The following RICTOR variants were observed in gnomAD, a reference collection of about 807,000 sequenced individuals.
The protein encoded by RICTOR is RPTOR independent companion of MTOR complex 2, also known as rapamycin-insensitive companion of mTOR.
RICTOR carries 49 observed loss-of-function variants against 214.9 expected under a neutral mutation model. That is an observed-to-expected ratio of 0.23 (90% CI 0.18 to 0.29). The LOEUF (loss-of-function observed/expected upper bound fraction) is 0.29. Among genes scored for constraint, RICTOR ranks in the 10% least tolerant of loss-of-function variants. The pLI is 1.00. For missense variants in RICTOR, 1,625 were observed against 2,047.0 expected (o/e 0.79, Z 3.98); for synonymous variants, 717 against 711.3 (o/e 1.01, Z -0.13).
chr5:39,001,775 C>A (rs1178511021), intron 5 of RICTOR, among the ~76,000 whole-genome samples: 1 of 152,060 alleles, frequency 6.6e-6, no homozygotes, highest in Non-Finnish European at 1.5e-5. Flanking sequence ...AACATCATCA[C>A]TCACCGGGGA....
At chr5:39,010,469 T>A (rs1239272) in intron 3 of RICTOR, among the ~76,000 whole-genome samples, 5,027 of 152,090 alleles carry the variant, frequency 0.033, 139 homozygotes, top group South Asian at 0.081. Context: ...GGAAGTGACT[T>A]TGGAACTGGG....
rs1170464254 is a variant in RICTOR at position 38,996,956 on chromosome 5, T to C, written c.393-74A>G. On this transcript the variant is annotated intron_variant, in intron 5 of 37. Transcript: ENST00000357387. ...CTTTTTGTATCACAATACTGATAGA[T>C]GAAACCCATTTTCACAATGTCAATA... The C allele has an allele frequency of 3.0e-5, 29 of 954,648 alleles. No individual in the cohort carries two copies. The East Asian group carries it at 6.3e-4, about 21-fold the overall frequency. The allele number at this position is 954,648 out of a possible 1,614,324, so 59.1% of individuals were successfully genotyped here. A position where few individuals can be genotyped will look rare whatever the true frequency, so the allele number is the denominator to read the frequency against.
intron 11 of RICTOR, 138 bp from the exon 12 acceptor site, chr5:38,968,168 A>C (rs1042303095): frequency 2.8e-5 from 17 of 615,708 alleles, no homozygotes; most frequent in Non-Finnish European, 4.8e-5. Flanking sequence ...TATTTTAGTC[A>C]ATGATGGACC....
intron 37 of RICTOR, 86 bp downstream of exon 37, chr5:38,942,747 C>A: frequency 9.0e-7 from 1 of 1,116,758 alleles, no homozygotes; most frequent in Non-Finnish European, 1.3e-6. Flanking sequence ...TGAGTCACCA[C>A]ACCCAGCTAT....
At chr5:39,031,200 G>A (rs979275052) in intron 2 of RICTOR, among the ~76,000 whole-genome samples, 2 of 152,138 alleles carry the variant, frequency 1.3e-5, no homozygotes, top group Admixed American at 1.3e-4. Context: ...CAGAAACAAT[G>A]ATTATTACAG....
chr5:38,944,387 C>T (rs1370235305), intron 36 of RICTOR, 59 bp downstream of exon 36: 6 of 1,529,548 alleles, frequency 3.9e-6, no homozygotes, highest in Non-Finnish European at 5.3e-6. Flanking sequence ...TTTCAAGTAT[C>T]TTTTCTCGAC....
At position 39,017,546 on chromosome 5, in the gene RICTOR, A is replaced by T. The variant is rs187832961; in HGVS notation, c.195+3493T>A. The stretch of plus-strand genomic sequence containing the variant: ...TCAATGTTTTTAAAAGCTGTTTTTT[A>T]AAAAAAAAAACTTTCTCATCCCTCA... On this transcript the variant is annotated intron_variant, in intron 3 of 37. Transcript: ENST00000357387. Among the ~76,000 whole-genome samples, 661 of 144,108 alleles carry T rather than the reference A, an allele frequency of 4.6e-3. 12 individuals are homozygous for T. The highest frequency in any genetic ancestry group is 0.03 in the East Asian group (151 of 5,076). 94.5% of individuals were successfully genotyped at this position (144,108 alleles called of 152,430 possible). A position where few individuals can be genotyped will look rare whatever the true frequency, so the allele number is the denominator to read the frequency against.
chr5:38,992,105 C>T (rs563610750), intron 6 of RICTOR, among the ~76,000 whole-genome samples: 1 of 152,190 alleles, frequency 6.6e-6, no homozygotes, highest in Non-Finnish European at 1.5e-5. Context: ...GTCATTTAAA[C>T]AGCATTTTTA....
chr5:39,007,363 T>A (rs1482703799), intron 3 of RICTOR, among the ~76,000 whole-genome samples: 1 of 152,204 alleles, frequency 6.6e-6, no homozygotes, highest in African/African-American at 2.4e-5. Flanking sequence ...TCTACACTTT[T>A]TATAAGAGAT....
intron 3 of RICTOR, among the ~76,000 whole-genome samples, chr5:39,019,324 G>A (rs1261688636): frequency 2.0e-5 from 3 of 152,072 alleles, no homozygotes; most frequent in Non-Finnish European, 4.4e-5. Context: ...GGAAGAAGAC[G>A]CCATCGAGAA....
intron 2 of RICTOR, among the ~76,000 whole-genome samples, chr5:39,025,359 T>TC (rs1431955512): frequency 6.6e-6 from 1 of 152,228 alleles, no homozygotes; most frequent in Non-Finnish European, 1.5e-5. Context: ...CTCTGCTTTC[T>TC]TCTTTACCTA....
intron 3 of RICTOR, among the ~76,000 whole-genome samples, chr5:39,011,816 T>C (rs928880031): frequency 1.1e-4 from 16 of 152,200 alleles, no homozygotes; most frequent in African/African-American, 3.1e-4. Context: ...TGTACCCTCA[T>C]TGTATCTAGG....
At chr5:39,010,698 A>G (rs1375791541) in intron 3 of RICTOR, among the ~76,000 whole-genome samples, 3 of 152,228 alleles carry the variant, frequency 2.0e-5, no homozygotes, top group Admixed American at 2.0e-4. Context: ...AGAGACTGAC[A>G]GCATTTTGCC....
chr5:38,964,354 C>A (rs1168336574), intron 16 of RICTOR, among the ~76,000 whole-genome samples: 1 of 151,770 alleles, frequency 6.6e-6, no homozygotes, highest in Non-Finnish European at 1.5e-5. Flanking sequence ...AGGAGTTCAG[C>A]TTATTGCTAT....
At chr5:39,064,232 T>C (rs570734841) in intron 2 of RICTOR, among the ~76,000 whole-genome samples, 2 of 152,268 alleles carry the variant, frequency 1.3e-5, no homozygotes, top group African/African-American at 2.4e-5. Context: ...ACCTGGCCAC[T>C]GTAACAAAAA....
At chr5:38,966,344 G>A (rs1347414787) in intron 15 of RICTOR, among the ~76,000 whole-genome samples, 1 of 152,182 alleles carries the variant, frequency 6.6e-6, no homozygotes, top group African/African-American at 2.4e-5. Flanking sequence ...AAGATTTACA[G>A]GACGAAAATG....
rs1747469610 is a variant in RICTOR at position 38,940,720 on chromosome 5, G to A, written c.*1584C>T. 1 of 232,634 alleles carries A rather than the reference G, an allele frequency of 4.3e-6. No individual in the cohort carries two copies. Among genetic ancestry groups the A allele is most frequent in the Admixed American group, 5.6e-5 (1 of 17,760 alleles). 14.4% of individuals were successfully genotyped at this position (232,634 alleles called of 1,614,324 possible). A position where few individuals can be genotyped will look rare whatever the true frequency, so the allele number is the denominator to read the frequency against. ...TGCAGTCAAAGAGGTGTTATGAAGTGAGATGAAATGCTTCATCCCAACTGG... is the reference window on the plus strand; with the variant it reads ...TGCAGTCAAAGAGGTGTTATGAAGTAAGATGAAATGCTTCATCCCAACTGG... On this transcript the variant is annotated 3_prime_UTR_variant, in exon 38 of 38. Coordinates refer to ENST00000357387, the MANE Select transcript of RICTOR (RefSeq NM_152756.5).
chr5:39,002,851 T>A (rs1222178073), intron 4 of RICTOR, among the ~76,000 whole-genome samples, 185 bp from the exon 5 acceptor site: 1 of 152,140 alleles, frequency 6.6e-6, no homozygotes, highest in Non-Finnish European at 1.5e-5. Context: ...AGTGTTGTTT[T>A]TTTAAATCTG....
intron 2 of RICTOR, among the ~76,000 whole-genome samples, chr5:39,065,097 G>A (rs935160685): frequency 6.6e-6 from 1 of 152,164 alleles, no homozygotes; most frequent in African/African-American, 2.4e-5. Flanking sequence ...CTAAGACTGG[G>A]TAATTTATAA....
Sources: allele counts gnomAD v4.1 joint callset (sites outside exome capture counted in the v4.1 genomes callset), GRCh38; gene constraint gnomAD v4.1.1; transcripts MANE v1.5; gene names NCBI Gene and HGNC (gene_info 2026-07-23, HGNC 2026-07-21).